The following MCM10 variants were observed in gnomAD, a reference collection of about 807,000 sequenced individuals.
The protein encoded by MCM10 is protein MCM10 homolog.
A neutral mutation model predicts 109.9 loss-of-function variants in MCM10; 91 were observed. That is an observed-to-expected ratio of 0.83 (90% CI 0.70 to 0.99). The LOEUF is 0.99. Among genes scored for constraint, MCM10 ranks in the 50% least tolerant of loss-of-function variants. MCM10 has a pLI of 0.00. For missense variants in MCM10, 1,077 were observed against 1,061.2 expected (o/e 1.01, Z -0.21); for synonymous variants, 380 against 387.2 (o/e 0.98, Z 0.22).
intron 1 of MCM10, 61 bp from the exon 2 acceptor site, chr10:13,164,067 T>C: frequency 1.5e-6 from 1 of 650,778 alleles, no homozygotes; most frequent in East Asian, 3.1e-5. Context: ...GTTTGTTGGA[T>C]GTGTGTTGTG....
chr10:13,180,366 C>G (rs1834194321), intron 6 of MCM10, 76 bp from the exon 7 acceptor site: 1 of 1,340,860 alleles, frequency 7.5e-7, no homozygotes, highest in African/African-American at 1.5e-5. Context: ...CCATCACACT[C>G]CCTTACCACC....
At chr10:13,190,179 CAT>C (rs1194892964) in intron 10 of MCM10, among the ~76,000 whole-genome samples, 7 of 152,130 alleles carry the variant, frequency 4.6e-5, no homozygotes, top group Admixed American at 6.5e-5. Flanking sequence ...AAGAATAAAA[CAT>C]AGATTTTTGT....
At chr10:13,198,890 T>G in intron 16 of MCM10, 83 bp downstream of exon 16, 3 of 883,078 alleles carry the variant, frequency 3.4e-6, no homozygotes, top group Non-Finnish European at 5.5e-6. Context: ...CAAGAATGTG[T>G]TGTTTGTTTT....
Position 13,197,768 on chromosome 10 carries a change from G to T in MCM10, c.2119+1G>T. The stretch of plus-strand genomic sequence containing the variant: ...AAAAACACCATGTTTTCTTCTCAAG[G>T]TACTGCAGTTTCACAGTTAACAGTG... On this transcript the variant is annotated splice_donor_variant, in intron 15 of 19. Coordinates refer to ENST00000378714, the MANE Select transcript of MCM10 (RefSeq NM_018518.5). LOFTEE classifies it high-confidence loss of function. The T allele has an allele frequency of 6.2e-7, 1 of 1,607,456 alleles. No individual in the cohort carries two copies. The highest frequency in any genetic ancestry group is 1.1e-5 in the South Asian group (1 of 89,042).
intron 6 of MCM10, 110 bp from the exon 7 acceptor site, chr10:13,180,332 A>C: frequency 1.3e-6 from 1 of 792,044 alleles, no homozygotes; most frequent in Non-Finnish European, 1.9e-6. Context: ...GCTTCCCAAG[A>C]ACAGGTACTG....
At chr10:13,195,506 T>C (rs530664499) in intron 14 of MCM10, 2 of 333,198 alleles carry the variant, frequency 6.0e-6, no homozygotes, top group African/African-American at 4.2e-5. Context: ...ACCAGAGGCA[T>C]TGACAGTAGG....
chr10:13,192,646 G>T (rs1834364473), intron 13 of MCM10, 78 bp downstream of exon 13: 1 of 1,325,682 alleles, frequency 7.5e-7, no homozygotes, highest in Admixed American at 1.8e-5. Flanking sequence ...TCGATTTCCA[G>T]AATGTGACTT....
chr10:13,186,117 GC>G, intron 8 of MCM10, 46 bp from the exon 9 acceptor site: 1 of 1,025,354 alleles, frequency 9.8e-7, no homozygotes, highest in Non-Finnish European at 1.5e-6. Context: ...CTAATAAAAG[GC>G]CATAATTTTG....
At chr10:13,171,346 T>C in intron 3 of MCM10, 83 bp downstream of exon 3, 1 of 1,239,270 alleles carries the variant, frequency 8.1e-7, no homozygotes, top group Admixed American at 2.7e-5. Flanking sequence ...TCAAAATAGC[T>C]GCTGATTCAA....
rs528164740 is a variant in MCM10, at chr10:13,195,088, C to T, written c.1793C>T (p.Ser598Leu). 53 of 1,614,178 alleles carry T rather than the reference C, an allele frequency of 3.3e-5. 2 individuals carry two copies. The South Asian group carries it at 5.5e-4, about 17-fold the overall frequency. Reference protein sequence around the residue: ...SEVESPAVPSSSRQPPAQPPR... With the variant: ...SEVESPAVPSLSRQPPAQPPR... ...GTTGAGAGCCCAGCTGTGCCATCTT[C>T]ATCAAGACAGCCCCCTGCTCAGCCT... Residue 598 changes from serine (S) to leucine (L), a missense_variant, in exon 14 of 20, where the codon TCA becomes TTA. Transcript: ENST00000378714.
Position 13,175,656 on chromosome 10 carries a change from G to A in MCM10, c.739G>A (p.Glu247Lys). The change falls in exon 6 of 20, where the codon GAA (glutamate) becomes AAA (lysine). Residue 247 changes from glutamate (E) to lysine (K), a missense_variant. Glu to Lys is a moderately conservative substitution (Grantham distance 56, BLOSUM62 1). Coordinates refer to ENST00000378714, the MANE Select transcript of MCM10 (RefSeq NM_018518.5). ...GGAAACGACTCAACCCATCTGTGTG[G>A]AAGCCTTCTCTGGTCTGCGGCTCAG... The part of the protein sequence containing the change: ...SGETTQPICV[E>K]AFSGLRLRRP... 1.2e-6 allele frequency: 2 copies of A among 1,610,878 alleles called. No individual in the cohort carries two copies. Among genetic ancestry groups the A allele is most frequent in the Non-Finnish European group, 1.7e-6 (2 of 1,178,184 alleles).
At chr10:13,187,441 CACAT>C (rs1169418137) in intron 9 of MCM10, among the ~76,000 whole-genome samples, 7 of 152,192 alleles carry the variant, frequency 4.6e-5, no homozygotes, top group East Asian at 1.9e-4. Flanking sequence ...CTAAAACACT[CACAT>C]ACAAGTTTTT....
intron 13 of MCM10, among the ~76,000 whole-genome samples, chr10:13,193,650 AT>A (rs1834378323): frequency 6.6e-6 from 1 of 152,158 alleles, no homozygotes; most frequent in African/African-American, 2.4e-5. Context: ...AAGTAAGAGA[AT>A]GGGTTTGGTC....
chr10:13,181,736 AG>A (rs1834212497), intron 7 of MCM10, among the ~76,000 whole-genome samples: 1 of 152,194 alleles, frequency 6.6e-6, no homozygotes, highest in Non-Finnish European at 1.5e-5. Context: ...GTCACTGTTG[AG>A]GTAAATGTGG....
chr10:13,194,420 GCC>G (rs1834388959), intron 13 of MCM10, among the ~76,000 whole-genome samples: 1 of 152,002 alleles, frequency 6.6e-6, no homozygotes. Flanking sequence ...GATAGCTCAC[GCC>G]TATAATCCCA....
intron 1 of MCM10, among the ~76,000 whole-genome samples, chr10:13,163,907 A>G (rs550755693): frequency 3.3e-5 from 5 of 152,302 alleles, no homozygotes; most frequent in East Asian, 3.9e-4. Flanking sequence ...CTGCAGCTCA[A>G]TAACTTTCTG....
intron 18 of MCM10, among the ~76,000 whole-genome samples, chr10:13,206,668 A>C (rs1288483232): frequency 6.6e-6 from 1 of 152,172 alleles, no homozygotes; most frequent in Admixed American, 6.5e-5. Flanking sequence ...CTTATGGAAA[A>C]CGTTAGAAAA....
chr10:13,172,870 TC>T lies in MCM10; in HGVS notation c.592+109del. On this transcript the variant is annotated intron_variant, in intron 5 of 19. Coordinates refer to ENST00000378714, the MANE Select transcript of MCM10 (RefSeq NM_018518.5). The surrounding 1 kb of genome is among the most constrained non-coding windows in gnomAD (Gnocchi z 5.2). ...TCTGTGTCTTTTGGTCTGTCTTATG[TC>T]CCCATTGAGAAAGAAAGTTTCTTGG... 1 of 1,068,948 alleles carries T rather than the reference TC, an allele frequency of 9.4e-7. No homozygotes were observed. Among genetic ancestry groups the T allele is most frequent in the Non-Finnish European group, 1.3e-6 (1 of 757,212 alleles). The allele number at this position is 1,068,948 out of a possible 1,614,324, so 66.2% of individuals were successfully genotyped here.
chr10:13,188,438 C>T (rs561197368), intron 9 of MCM10, among the ~76,000 whole-genome samples: 2 of 152,118 alleles, frequency 1.3e-5, no homozygotes, highest in Non-Finnish European at 2.9e-5. Context: ...ACAATGGCAC[C>T]ATAAAGTCAT....
Sources: allele counts gnomAD v4.1 joint callset (sites outside exome capture counted in the v4.1 genomes callset), GRCh38; gene constraint gnomAD v4.1.1; non-coding constraint Gnocchi (gnomAD v3.1); transcripts MANE v1.5; gene names NCBI Gene and HGNC (gene_info 2026-07-23, HGNC 2026-07-21).